CHL1: variants seen among roughly 807,000 people sequenced by gnomAD.
CHL1 encodes the protein neural cell adhesion molecule L1-like protein.
Under a neutral mutation model 141.9 loss-of-function variants are expected in CHL1, and 96 were observed. That is an observed-to-expected ratio of 0.68 (90% CI 0.57 to 0.80). The LOEUF is 0.80. Ranked by LOEUF, CHL1 falls within the 30% of genes least tolerant of loss-of-function variation. The pLI is 0.00. For missense variants in CHL1, 1,820 were observed against 1,457.2 expected (o/e 1.25, Z -4.05); for synonymous variants, 613 against 502.2 (o/e 1.22, Z -2.95).
At chr3:289,771 A>G (rs1229199604) in intron 2 of CHL1, among the ~76,000 whole-genome samples, 2 of 151,630 alleles carry the variant, frequency 1.3e-5, no homozygotes, top group Non-Finnish European at 2.9e-5. Context: ...CATTTATTTA[A>G]TACATATTGA....
chr3:324,121 CA>C (rs1167904690), intron 3 of CHL1, among the ~76,000 whole-genome samples: 1 of 150,830 alleles, frequency 6.6e-6, no homozygotes, highest in East Asian at 1.9e-4. Flanking sequence ...TGTAAGACTG[CA>C]AAAGAGTCCT....
intron 1 of CHL1, among the ~76,000 whole-genome samples, chr3:228,216 G>C (rs1272871808): frequency 6.6e-6 from 1 of 152,140 alleles, no homozygotes. Flanking sequence ...TCAATTAAGT[G>C]TGCAATGAAA....
intron 15 of CHL1, among the ~76,000 whole-genome samples, chr3:369,087 G>C (rs975750416): frequency 2.0e-5 from 3 of 152,112 alleles, no homozygotes; most frequent in African/African-American, 4.8e-5. Flanking sequence ...GGTCTTCTTT[G>C]ATTCCATATG....
chr3:316,259 G>A (rs1202439201), intron 2 of CHL1, among the ~76,000 whole-genome samples: 1 of 151,794 alleles, frequency 6.6e-6, no homozygotes, highest in Non-Finnish European at 1.5e-5. Context: ...AATAATTTGG[G>A]GGCTGCATTT....
intron 1 of CHL1, among the ~76,000 whole-genome samples, chr3:226,538 C>T (rs995662455): frequency 2.8e-4 from 42 of 151,828 alleles, no homozygotes; most frequent in Middle Eastern, 3.4e-3. Context: ...CAACCTCCAA[C>T]TCCCGGATTC....
chr3:242,515 G>C (rs891640210), intron 1 of CHL1, among the ~76,000 whole-genome samples: 1 of 151,978 alleles, frequency 6.6e-6, no homozygotes, highest in Non-Finnish European at 1.5e-5. Flanking sequence ...AGAATGGCTT[G>C]AACCAGGGAG....
At chr3:371,392 T>G (rs1705609527) in intron 15 of CHL1, among the ~76,000 whole-genome samples, 1 of 152,176 alleles carries the variant, frequency 6.6e-6, no homozygotes, top group African/African-American at 2.4e-5. Context: ...TCTTTGTTGG[T>G]TTTAAGTTTG....
chr3:267,119 C>T (rs1046740697), intron 2 of CHL1, among the ~76,000 whole-genome samples: 17 of 152,162 alleles, frequency 1.1e-4, no homozygotes, highest in East Asian at 1.9e-4. Context: ...AGGGACCCTA[C>T]GCTCTATTTA....
intron 1 of CHL1, among the ~76,000 whole-genome samples, chr3:239,577 T>C (rs1425503786): frequency 7.6e-6 from 1 of 131,054 alleles, no homozygotes; most frequent in African/African-American, 2.6e-5. Flanking sequence ...CTTTAATTCA[T>C]CTAAACAGTA....
In CHL1 at chr3:382,577, A is replaced by C. The variant is rs184696793; in HGVS notation, c.2082A>C (p.Pro694=). 1 of 1,614,006 alleles carries C rather than the reference A, an allele frequency of 6.2e-7. No individual in the cohort carries two copies. Among genetic ancestry groups the C allele is most frequent in the Non-Finnish European group, 8.5e-7 (1 of 1,179,908 alleles). The change falls in exon 18 of 28, where the codon CCA becomes CCC. Residue 694 remains proline, a synonymous_variant. Transcript: ENST00000256509. ...KKTTVILPLA[P]FVRYQFRVIA... Reference sequence around the variant, plus strand: ...CCACAGTTATCTTACCTTTGGCTCCATTTGTGAGATACCAGTTCAGGGTCA... The same window carrying C: ...CCACAGTTATCTTACCTTTGGCTCCCTTTGTGAGATACCAGTTCAGGGTCA...
In CHL1 at chr3:389,282, G is replaced by A. The variant is rs73105057; in HGVS notation, c.2278G>A (p.Gly760Ser). Residue 760 changes from glycine to serine, a missense_variant, in exon 20 of 28, where the codon GGC becomes AGC. Transcript: ENST00000256509. ...PLKSMEQNGP[G>S]LEYRVTWKPQ... ...GAAATCCATGGAGCAGAATGGACCA[G>A]GCCTAGAGTACAGAGTGACCTGGAA... 6.2e-7 allele frequency: 1 copy of A among 1,612,756 alleles called. No homozygotes were observed. The highest frequency in any genetic ancestry group is 1.3e-5 in the African/African-American group (1 of 74,920).
At chr3:328,019 C>T (rs1171153787) in intron 4 of CHL1, 148 bp from the exon 5 acceptor site, 1 of 447,730 alleles carries the variant, frequency 2.2e-6, no homozygotes, top group Admixed American at 4.3e-5. Context: ...TCTTCTGAGA[C>T]CCTTATTTAT....
At chr3:293,447 G>A (rs1181783553) in intron 2 of CHL1, among the ~76,000 whole-genome samples, 1 of 152,048 alleles carries the variant, frequency 6.6e-6, no homozygotes, top group Non-Finnish European at 1.5e-5. Flanking sequence ...AGGTTGCAGT[G>A]GGCTGAGAGA....
At chr3:205,779 A>G (rs1188634776) in intron 1 of CHL1, among the ~76,000 whole-genome samples, 1 of 152,252 alleles carries the variant, frequency 6.6e-6, no homozygotes, top group Non-Finnish European at 1.5e-5. Flanking sequence ...AGATACTTAA[A>G]TAGCCACCAT....
chr3:355,187 CTGCCCTTTTAAGGGACT>C (rs1559300538), intron 11 of CHL1, among the ~76,000 whole-genome samples: 2 of 152,184 alleles, frequency 1.3e-5, no homozygotes, highest in Non-Finnish European at 2.9e-5. Context: ...GTCCTGGGCT[CTGCCCTTTTAAGGGACT>C]TGCTCTGATC....
chr3:198,405 G>C (rs1405747342), intron 1 of CHL1, among the ~76,000 whole-genome samples: 2 of 152,058 alleles, frequency 1.3e-5, no homozygotes, highest in Non-Finnish European at 2.9e-5. Flanking sequence ...TGCGCGTGGC[G>C]ATGGTAACTG....
In CHL1 at chr3:377,943, G is replaced by C. The variant is rs1332075517; in HGVS notation, c.1876+1G>C. On this transcript the variant is annotated splice_donor_variant, in intron 16 of 27. Coordinates refer to ENST00000256509, the MANE Select transcript of CHL1 (RefSeq NM_006614.4). LOFTEE classifies it high-confidence loss of function. The stretch of plus-strand genomic sequence containing the variant: ...GATATAACTCAAGTAACTGTTCTTG[G>C]TAAGTGCACTAACTAATGAGAAATC... The C allele has an allele frequency of 1.2e-6, 2 of 1,600,462 alleles. No homozygotes were observed. Among genetic ancestry groups the C allele is most frequent in the Non-Finnish European group, 1.7e-6 (2 of 1,175,790 alleles).
At chr3:208,392 A>G (rs969549731) in intron 1 of CHL1, among the ~76,000 whole-genome samples, 3 of 149,048 alleles carry the variant, frequency 2.0e-5, no homozygotes, top group African/African-American at 7.8e-5. Flanking sequence ...CTCCAAATTC[A>G]GAACTGGTGA....
intron 5 of CHL1, among the ~76,000 whole-genome samples, chr3:337,243 G>T (rs9852116): frequency 0.15 from 21,502 of 145,340 alleles, 2,668 homozygotes; most frequent in African/African-American, 0.34. Flanking sequence ...CAGGCTGGAG[G>T]GCAGTGGCAC....
Sources: allele counts gnomAD v4.1 joint callset (sites outside exome capture counted in the v4.1 genomes callset), GRCh38; gene constraint gnomAD v4.1.1; transcripts MANE v1.5; gene names NCBI Gene and HGNC (gene_info 2026-07-23, HGNC 2026-07-21).